Variants in ANXA6 observed in about 807,000 individuals in gnomAD.
ANXA6 encodes annexin A6.
A neutral mutation model predicts 95.4 loss-of-function variants in ANXA6; 71 were observed. That is an observed-to-expected ratio of 0.74 (90% CI 0.61 to 0.91). The LOEUF (loss-of-function observed/expected upper bound fraction) is 0.91, where lower values mean the gene tolerates loss of function less well. Ranked by LOEUF, ANXA6 falls within the 40% of genes least tolerant of loss-of-function variation. The pLI is 0.00. For missense variants in ANXA6, 830 were observed against 876.4 expected (o/e 0.95, Z 0.67); for synonymous variants, 289 against 315.9 (o/e 0.91, Z 0.90).
At chr5:151,133,041 G>T in intron 9 of ANXA6, 53 bp downstream of exon 9, 1 of 1,251,818 alleles carries the variant, frequency 8.0e-7, no homozygotes, top group Non-Finnish European at 1.1e-6. Context: ...ATAAAGAAAG[G>T]CATTATTGGC....
intron 2 of ANXA6, among the ~76,000 whole-genome samples, chr5:151,142,302 AC>A (rs1261393124): frequency 1.3e-5 from 2 of 152,126 alleles, no homozygotes; most frequent in Non-Finnish European, 2.9e-5. Context: ...ATGTAATGAA[AC>A]CCTGTTTCAG....
chr5:151,133,142 G>T lies in ANXA6; in HGVS notation c.592C>A (p.Gln198Lys). 6.3e-7 allele frequency: 1 copy of T among 1,599,450 alleles called. No individual in the cohort carries two copies. Among genetic ancestry groups the T allele is most frequent in the East Asian group, 2.2e-5 (1 of 44,468 alleles). ...CGATTTCCCAAGATGTAAATGAACT[G>T]GGCTTCATCTGTTCCCCATTTCAGT... ...GELKWGTDEA[Q>K]FIYILGNRSK... The change falls in exon 9 of 26, where the codon CAG becomes AAG. Residue 198 changes from glutamine (Q) to lysine (K), a missense_variant. Coordinates refer to ENST00000354546, the MANE Select transcript of ANXA6 (RefSeq NM_001155.5).
intron 4 of ANXA6, 32 bp from the exon 5 acceptor site, chr5:151,138,823 AG>A: frequency 4.8e-6 from 7 of 1,459,462 alleles, no homozygotes; most frequent in Non-Finnish European, 5.7e-6. Context: ...GAGATAGAAG[AG>A]GAAAGAGGAA....
chr5:151,140,596 A>G (rs937101504), intron 2 of ANXA6: 1 of 149,380 alleles, frequency 6.7e-6, no homozygotes, highest in Non-Finnish European at 1.5e-5. Flanking sequence ...ATATATATAT[A>G]TATATATATT....
intron 23 of ANXA6, among the ~76,000 whole-genome samples, chr5:151,108,120 T>TGTTAG (rs1764748677): frequency 6.6e-6 from 1 of 152,088 alleles, no homozygotes; most frequent in African/African-American, 2.4e-5. Flanking sequence ...GTGTATAGTA[T>TGTTAG]GTGTCTTGTA....
chr5:151,124,594 A>G (rs1765264509), intron 14 of ANXA6, among the ~76,000 whole-genome samples: 2 of 152,274 alleles, frequency 1.3e-5, no homozygotes, highest in East Asian at 3.9e-4. Context: ...AGAGGGAGAG[A>G]GGGACTCAGG....
intron 18 of ANXA6, among the ~76,000 whole-genome samples, chr5:151,118,443 G>T (rs1765067401): frequency 6.6e-6 from 1 of 150,758 alleles, no homozygotes; most frequent in Non-Finnish European, 1.5e-5. Flanking sequence ...TTTGTTTTTT[G>T]TTTTTTTTGA....
chr5:151,127,425 T>C lies in ANXA6; in HGVS notation c.977+756A>G, dbSNP rs1458389690. ...AGAGGCCCCCAGGCCCTCCCACTTCTCTGCCTTATTTCTCTCTCTAGTACT... is the reference window on the plus strand; with the variant it reads ...AGAGGCCCCCAGGCCCTCCCACTTCCCTGCCTTATTTCTCTCTCTAGTACT... On this transcript the variant is annotated intron_variant, in intron 13 of 25. Coordinates refer to ENST00000354546, the MANE Select transcript of ANXA6 (RefSeq NM_001155.5). Among the ~76,000 whole-genome samples, 7 of 152,366 alleles carry C rather than the reference T, an allele frequency of 4.6e-5. No individual in the cohort carries two copies. The East Asian group carries it at 1.3e-3, about 29-fold the overall frequency.
rs376618982 is a variant in ANXA6 at position 151,109,744 on chromosome 5, A to G, written c.1684+9T>C. ...TGCTGAGCTGGGAAGGGAGGAGGTC[A>G]GGCCTCACCTCTCCGGAGGTGCGGA... On this transcript the variant is annotated intron_variant, in intron 22 of 25. Transcript: ENST00000354546. The G allele has an allele frequency of 7.5e-6, 12 of 1,599,452 alleles. No homozygotes were observed. In the African/African-American group the frequency reaches 1.1e-4, roughly 14 times the overall value.
Position 151,132,512 on chromosome 5 carries a change from G to T in ANXA6, c.700C>A (p.Leu234Met), listed in dbSNP as rs1310253006. Residue 234 changes from leucine (L) to methionine (M), a missense_variant, in exon 10 of 26, where the codon CTG becomes ATG. Coordinates refer to ENST00000354546, the MANE Select transcript of ANXA6 (RefSeq NM_001155.5). ...ATTAGCTTCTCAAAGTCCCCAGACA[G>T]CTCCCCTCGGATGCTGGCTTCAATC... Reference protein sequence around the residue: ...KPIEASIRGELSGDFEKLMLA... With the variant: ...KPIEASIRGEMSGDFEKLMLA... 3.7e-6 allele frequency: 6 copies of T among 1,613,318 alleles called. No individual in the cohort carries two copies. The African/African-American group carries it at 8.0e-5, about 22-fold the overall frequency.
intron 2 of ANXA6, among the ~76,000 whole-genome samples, chr5:151,144,984 C>G (rs1273887804): frequency 6.6e-6 from 1 of 152,176 alleles, no homozygotes; most frequent in Non-Finnish European, 1.5e-5. Context: ...TTCTGCATCT[C>G]TAAGCGCCAC....
At position 151,129,420 on chromosome 5, in the gene ANXA6, T is replaced by G. The variant is rs1424530478; in HGVS notation, c.905A>C (p.Tyr302Ser). The G allele has an allele frequency of 6.2e-7, 1 of 1,613,532 alleles. No homozygotes were observed. Among genetic ancestry groups the G allele is most frequent in the Non-Finnish European group, 8.5e-7 (1 of 1,179,862 alleles). The change falls in exon 12 of 26, where the codon TAC becomes TCC. Residue 302 changes from tyrosine to serine, a missense_variant. By Grantham distance (144) the Tyr-to-Ser change is moderately radical. Coordinates refer to ENST00000354546, the MANE Select transcript of ANXA6 (RefSeq NM_001155.5). ...AGCTCTGCTGACCTTGATCATGCTGTAGAGGGACTTCTCATACTTGGTCCG... is the reference window on the plus strand; with the variant it reads ...AGCTCTGCTGACCTTGATCATGCTGGAGAGGGACTTCTCATACTTGGTCCG... ...IFRTKYEKSL[Y>S]SMIKNDTSGE...
chr5:151,120,265 G>T (rs1332091280), intron 17 of ANXA6, among the ~76,000 whole-genome samples: 1 of 152,054 alleles, frequency 6.6e-6, no homozygotes, highest in Admixed American at 6.6e-5. Flanking sequence ...CTGCACACAG[G>T]GAAGCAGGGA....
At chr5:151,130,034 G>A (rs983370621) in intron 11 of ANXA6, among the ~76,000 whole-genome samples, 1 of 152,072 alleles carries the variant, frequency 6.6e-6, no homozygotes, top group African/African-American at 2.4e-5. Flanking sequence ...CTCTCTTCAT[G>A]TATAATTTCC....
At chr5:151,122,356 T>A (rs1765191970) in intron 16 of ANXA6, 96 bp from the exon 17 acceptor site, 6 of 678,480 alleles carry the variant, frequency 8.8e-6, no homozygotes, top group Non-Finnish European at 1.0e-5. Context: ...GGGTTCCACA[T>A]GAGGGATCAT....
At chr5:151,122,847 G>A in intron 16 of ANXA6, 70 bp downstream of exon 16, 1 of 1,401,422 alleles carries the variant, frequency 7.1e-7, no homozygotes, top group East Asian at 2.3e-5. Flanking sequence ...CAGAACCGAT[G>A]GGGACAGGCT....
chr5:151,137,790 A>G (rs573860229), intron 5 of ANXA6, among the ~76,000 whole-genome samples: 4 of 152,208 alleles, frequency 2.6e-5, no homozygotes. Context: ...AGCAGAAGCC[A>G]CAATGCTTCC....
intron 7 of ANXA6, among the ~76,000 whole-genome samples, chr5:151,135,985 A>G (rs1415642153): frequency 6.6e-6 from 1 of 152,172 alleles, no homozygotes; most frequent in Non-Finnish European, 1.5e-5. Context: ...GGGTCCAGAA[A>G]TGCTGCATGT....
intron 2 of ANXA6, among the ~76,000 whole-genome samples, chr5:151,146,145 G>T (rs1765970682): frequency 6.6e-6 from 1 of 152,242 alleles, no homozygotes; most frequent in Non-Finnish European, 1.5e-5. Context: ...CAGGCAGAAG[G>T]CATGGCCCAG....
Sources: gnomAD v4.1 joint callset for allele counts (sites outside exome capture counted in the v4.1 genomes callset) on GRCh38, gnomAD v4.1.1 for gene constraint, MANE v1.5 for transcripts, NCBI Gene and HGNC (gene_info 2026-07-23, HGNC 2026-07-21) for gene names.